PRKG1: variants seen among roughly 807,000 people sequenced by gnomAD.
PRKG1 encodes cGMP-dependent protein kinase 1.
Under a neutral mutation model 88.1 loss-of-function variants are expected in PRKG1, and 35 were observed. The observed-to-expected ratio is 0.40, with a 90% CI of 0.30 to 0.53. The LOEUF is 0.53. Ranked by LOEUF, PRKG1 falls within the 20% of genes least tolerant of loss-of-function variation. PRKG1 has a pLI of 0.59. For synonymous variants in PRKG1, 303 were observed against 292.5 expected, an observed-to-expected ratio of 1.04 and a Z score of -0.37; for missense variants, 540 against 839.8, an observed-to-expected ratio of 0.64 and a Z score of 4.41.
chr10:51,792,170 A>G (rs1838884918), intron 3 of PRKG1, among the ~76,000 whole-genome samples: 1 of 152,160 alleles, frequency 6.6e-6, no homozygotes, highest in South Asian at 2.1e-4. Context: ...TGATTGTGTG[A>G]TCTTTACTAT....
At chr10:51,196,926 G>T (rs1044325184) in intron 2 of PRKG1, among the ~76,000 whole-genome samples, 1 of 152,164 alleles carries the variant, frequency 6.6e-6, no homozygotes, top group Non-Finnish European at 1.5e-5. Flanking sequence ...AAGCATAATA[G>T]TGTGTAGAGA....
At chr10:52,057,195 A>T (rs151296919) in intron 6 of PRKG1, among the ~76,000 whole-genome samples, 2 of 152,228 alleles carry the variant, frequency 1.3e-5, no homozygotes, top group Non-Finnish European at 2.9e-5. Context: ...CCCCTTGTTC[A>T]GTTCCACTTA....
At chr10:51,365,537 T>C (rs979424489) in intron 2 of PRKG1, among the ~76,000 whole-genome samples, 2 of 151,952 alleles carry the variant, frequency 1.3e-5, no homozygotes, top group African/African-American at 4.8e-5. Flanking sequence ...AATAAATTGG[T>C]TAATTTTGGG....
chr10:51,742,517 GATGC>G (rs1386362786), intron 3 of PRKG1, among the ~76,000 whole-genome samples: 2 of 152,124 alleles, frequency 1.3e-5, no homozygotes, highest in African/African-American at 4.8e-5. Context: ...TGACTAGTTG[GATGC>G]AGGTGGTATG....
chr10:51,422,357 A>G (rs569677086), intron 2 of PRKG1, among the ~76,000 whole-genome samples: 3 of 152,330 alleles, frequency 2.0e-5, no homozygotes, highest in African/African-American at 7.2e-5. Context: ...TGAGTCCTAG[A>G]CGTTTAGCAT....
At chr10:52,211,639 G>A (rs1006839038) in intron 9 of PRKG1, among the ~76,000 whole-genome samples, 1 of 146,918 alleles carries the variant, frequency 6.8e-6, no homozygotes, top group African/African-American at 2.5e-5. Context: ...TACAAATGTG[G>A]ATATTAATTA....
At chr10:51,964,449 T>C (rs529817110) in intron 5 of PRKG1, among the ~76,000 whole-genome samples, 1 of 152,340 alleles carries the variant, frequency 6.6e-6, no homozygotes, top group Admixed American at 6.5e-5. Context: ...AGTTTGAAAG[T>C]TCAGCGTTGA....
intron 5 of PRKG1, among the ~76,000 whole-genome samples, chr10:51,987,239 G>C (rs1032064013): frequency 1.3e-5 from 2 of 151,768 alleles, no homozygotes; most frequent in Non-Finnish European, 2.9e-5. Flanking sequence ...AAAGTCTCTG[G>C]GTACATATGT....
intron 2 of PRKG1, among the ~76,000 whole-genome samples, chr10:51,424,029 T>C (rs564905528): frequency 1.3e-3 from 204 of 152,288 alleles, no homozygotes; most frequent in Non-Finnish European, 1.6e-3. Context: ...GACTCTTCTG[T>C]GCCTTTTGGA....
chr10:51,961,702 T>C (rs1843452491), intron 5 of PRKG1, among the ~76,000 whole-genome samples: 1 of 152,218 alleles, frequency 6.6e-6, no homozygotes, highest in Non-Finnish European at 1.5e-5. Context: ...CAAGCTGTTA[T>C]TGTCCAAATT....
At chr10:52,132,587 C>T (rs1230095085) in intron 7 of PRKG1, among the ~76,000 whole-genome samples, 1 of 151,982 alleles carries the variant, frequency 6.6e-6, no homozygotes, top group Non-Finnish European at 1.5e-5. Flanking sequence ...TCTTTATTCT[C>T]AAAACTTTAA....
chr10:51,868,983 G>A lies in PRKG1; in HGVS notation c.699-38524G>A, dbSNP rs372313487. ...TGCTTAGGGCATTTTCCCAGGTTTGGTTTTTCCAATGAATAATTTTATTGC... is the reference window on the plus strand; with the variant it reads ...TGCTTAGGGCATTTTCCCAGGTTTGATTTTTCCAATGAATAATTTTATTGC... On this transcript the variant is annotated intron_variant, in intron 4 of 17. Transcript: ENST00000373980. 5.3e-5 allele frequency among the ~76,000 whole-genome samples: 8 copies of A among 152,124 alleles called. No individual in the cohort carries two copies. In the East Asian group the frequency reaches 1.5e-3, roughly 29 times the overall value.
chr10:51,746,811 G>A (rs1353469570), intron 3 of PRKG1, among the ~76,000 whole-genome samples: 2 of 151,898 alleles, frequency 1.3e-5, no homozygotes, highest in African/African-American at 2.4e-5. Flanking sequence ...CATCATGAAA[G>A]GGGCCAGCAC....
chr10:51,806,629 A>G (rs188822659), intron 4 of PRKG1, among the ~76,000 whole-genome samples: 2 of 152,330 alleles, frequency 1.3e-5, no homozygotes, highest in Admixed American at 1.3e-4. Flanking sequence ...AGGTGACAGG[A>G]TGACCATCAT....
chr10:51,639,683 A>G (rs1192693979), intron 3 of PRKG1, among the ~76,000 whole-genome samples: 1 of 151,096 alleles, frequency 6.6e-6, no homozygotes, highest in Non-Finnish European at 1.5e-5. Context: ...CAAAGTCCAT[A>G]TACAGATTTA....
At chr10:51,059,733 C>A (rs1374233126) in intron 1 of PRKG1, among the ~76,000 whole-genome samples, 1 of 152,088 alleles carries the variant, frequency 6.6e-6, no homozygotes, top group Non-Finnish European at 1.5e-5. Context: ...TTATGGTCAG[C>A]ATATAGTCAA....
chr10:52,052,953 A>G (rs1043162855), intron 5 of PRKG1, among the ~76,000 whole-genome samples: 1 of 152,214 alleles, frequency 6.6e-6, no homozygotes, highest in Non-Finnish European at 1.5e-5. Context: ...AAATGAATAC[A>G]TGAAAGTGGA....
chr10:51,524,487 T>C (rs866182628), intron 3 of PRKG1, among the ~76,000 whole-genome samples: 2 of 152,202 alleles, frequency 1.3e-5, no homozygotes, highest in African/African-American at 4.8e-5. Flanking sequence ...GCAATAAAAG[T>C]GAAATTTCAA....
chr10:51,239,477 CTAAA>C lies in PRKG1; in HGVS notation c.478+86150_478+86153del, dbSNP rs1839093500. The stretch of plus-strand genomic sequence containing the variant: ...ATGAAAAACACAGTTAGCCAAATGG[CTAAA>C]TAGAGGTATTAGGCATTTAGGTTTT... On this transcript the variant is annotated intron_variant, in intron 2 of 17. Transcript: ENST00000373980. Among the ~76,000 whole-genome samples, 3 of 152,198 alleles carry C rather than the reference CTAAA, an allele frequency of 2.0e-5. No homozygotes were observed. In the South Asian group the frequency reaches 6.2e-4, roughly 32 times the overall value.
Sources: allele counts gnomAD v4.1 joint callset (sites outside exome capture counted in the v4.1 genomes callset), GRCh38; gene constraint gnomAD v4.1.1; transcripts MANE v1.5; gene names NCBI Gene and HGNC (gene_info 2026-07-23, HGNC 2026-07-21).